SNX29: variants seen among roughly 807,000 people sequenced by gnomAD.
SNX29 encodes the protein sorting nexin-29.
A neutral mutation model predicts 102.1 loss-of-function variants in SNX29; 78 were observed. The ratio of observed to expected loss-of-function variants is 0.76; its 90% CI spans 0.64 to 0.92. The LOEUF (loss-of-function observed/expected upper bound fraction) is 0.92, where lower values mean the gene tolerates loss of function less well. Ranked by LOEUF, SNX29 falls within the 40% of genes least tolerant of loss-of-function variation. The probability of loss-of-function intolerance (pLI) is 0.00; values close to 1 mark genes in which losing one functional copy is unlikely to be tolerated. For missense variants in SNX29, 1,280 were observed against 1,061.7 expected (o/e 1.21, Z -2.86); for synonymous variants, 580 against 414.5 (o/e 1.40, Z -4.85).
intron 14 of SNX29, among the ~76,000 whole-genome samples, chr16:12,223,544 G>A (rs1454830359): frequency 6.6e-6 from 1 of 152,122 alleles, no homozygotes; most frequent in Non-Finnish European, 1.5e-5. Context: ...TGCGCCTGTA[G>A]TCCCAGCTAC....
At chr16:12,014,768 C>T (rs1191693858) in intron 3 of SNX29, among the ~76,000 whole-genome samples, 1 of 149,530 alleles carries the variant, frequency 6.7e-6, no homozygotes, top group Admixed American at 6.7e-5. Flanking sequence ...AAAAGAAAAT[C>T]ATCAGAAATT....
chr16:12,126,497 T>G, intron 11 of SNX29, 136 bp from the exon 12 acceptor site: 2 of 843,422 alleles, frequency 2.4e-6, no homozygotes, highest in Non-Finnish European at 3.8e-6. Context: ...TAGACTGTTA[T>G]AGGAGTTATT....
At chr16:12,209,542 C>G (rs537985961) in intron 14 of SNX29, among the ~76,000 whole-genome samples, 1 of 152,142 alleles carries the variant, frequency 6.6e-6, no homozygotes, top group Admixed American at 6.5e-5. Context: ...CTCTCCAGCT[C>G]GAGACCCCTC....
chr16:12,565,030 G>A (rs1403176238), intron 20 of SNX29, among the ~76,000 whole-genome samples: 1 of 152,102 alleles, frequency 6.6e-6, no homozygotes, highest in Non-Finnish European at 1.5e-5. Flanking sequence ...GTCCTGGGAT[G>A]AGCCTGGCAC....
chr16:12,533,197 C>A (rs1299406745), intron 20 of SNX29, among the ~76,000 whole-genome samples: 1 of 152,252 alleles, frequency 6.6e-6, no homozygotes, highest in South Asian at 2.1e-4. Flanking sequence ...CAGCAGCCAT[C>A]TGAGGCCACA....
At chr16:12,313,434 G>A (rs948832015) in intron 15 of SNX29, among the ~76,000 whole-genome samples, 1 of 152,166 alleles carries the variant, frequency 6.6e-6, no homozygotes, top group Non-Finnish European at 1.5e-5. Context: ...GATCACCCCA[G>A]GGCCTTTATA....
chr16:12,286,468 C>G (rs911851085), intron 15 of SNX29, among the ~76,000 whole-genome samples: 3 of 151,450 alleles, frequency 2.0e-5, no homozygotes, highest in African/African-American at 7.3e-5. Context: ...GCCTCAGCCT[C>G]CCAAGTAGCT....
At position 12,553,259 on chromosome 16, in the gene SNX29, C is replaced by A. The variant is rs920130704; in HGVS notation, c.2319-15247C>A. ...AATACAGAGAGAGATTGTACAAGAC[C>A]ACTGCCGCCTAGGGGCACAGAGTAA... On this transcript the variant is annotated intron_variant, in intron 20 of 20. Coordinates refer to ENST00000566228, the MANE Select transcript of SNX29 (RefSeq NM_032167.5). Among the ~76,000 whole-genome samples the A allele has an allele frequency of 2.0e-5, 3 of 152,344 alleles. No individual in the cohort carries two copies. In the East Asian group the frequency reaches 5.8e-4, roughly 29 times the overall value.
chr16:12,529,464 G>C lies in SNX29; in HGVS notation c.2318+4623G>C, dbSNP rs1002453008. Among the ~76,000 whole-genome samples the C allele has an allele frequency of 2.6e-5, 4 of 152,208 alleles. No individual in the cohort carries two copies. In the East Asian group the frequency reaches 7.7e-4, roughly 29 times the overall value. On this transcript the variant is annotated intron_variant, in intron 20 of 20. Transcript: ENST00000566228. ...CTCAGTGAGACTGGACCGCAAATCG[G>C]TGACAGCTTCAGTGATTTGCCGTGC...
chr16:11,986,991 T>C (rs1253108600), intron 1 of SNX29, among the ~76,000 whole-genome samples: 1 of 152,240 alleles, frequency 6.6e-6, no homozygotes, highest in African/African-American at 2.4e-5. Context: ...GTCATTGTGT[T>C]ATTACGGAAA....
At chr16:12,473,642 T>C (rs1040774916) in intron 18 of SNX29, among the ~76,000 whole-genome samples, 16 of 152,152 alleles carry the variant, frequency 1.1e-4, no homozygotes, top group African/African-American at 4.8e-5. Context: ...TTCTAAGTCA[T>C]AGGATGAGAT....
intron 14 of SNX29, among the ~76,000 whole-genome samples, chr16:12,248,751 T>C (rs1238991730): frequency 6.6e-6 from 1 of 151,824 alleles, no homozygotes; most frequent in African/African-American, 2.4e-5. Flanking sequence ...CAGGAGGTCA[T>C]TTTATCTAGA....
chr16:12,311,598 C>T (rs941240233), intron 15 of SNX29, among the ~76,000 whole-genome samples: 2 of 152,252 alleles, frequency 1.3e-5, no homozygotes, highest in Admixed American at 1.3e-4. Context: ...GGTCTGAGCC[C>T]TCCCTTCCTT....
intron 20 of SNX29, among the ~76,000 whole-genome samples, chr16:12,552,094 C>T (rs527812209): frequency 1.5e-4 from 23 of 152,310 alleles, no homozygotes; most frequent in Middle Eastern, 3.4e-3. Flanking sequence ...ACTGTGCTAT[C>T]CTCAGTGAGT....
At chr16:11,989,236 G>T (rs1164150973) in intron 1 of SNX29, among the ~76,000 whole-genome samples, 1 of 152,148 alleles carries the variant, frequency 6.6e-6, no homozygotes, top group African/African-American at 2.4e-5. Context: ...GCCTCCCAAA[G>T]TGCTGGGATT....
intron 20 of SNX29, among the ~76,000 whole-genome samples, chr16:12,563,316 G>C (rs1008298840): frequency 6.7e-6 from 1 of 148,984 alleles, no homozygotes; most frequent in Non-Finnish European, 1.5e-5. Flanking sequence ...TTTGTGACTG[G>C]AGAGAGTCAC....
intron 8 of SNX29, among the ~76,000 whole-genome samples, chr16:12,057,783 A>G (rs970360469): frequency 2.6e-5 from 4 of 151,050 alleles, no homozygotes; most frequent in Non-Finnish European, 5.9e-5. Flanking sequence ...TAATGAGTAC[A>G]TATATACATA....
At position 12,569,279 on chromosome 16, in the gene SNX29, T is replaced by TC. The variant is rs1247032555; in HGVS notation, c.*654dup. On this transcript the variant is annotated 3_prime_UTR_variant, in exon 21 of 21. Transcript: ENST00000566228. ...ATGTGCAACTTGAGTTCAGAGAACT[T>TC]CCCCTACCTCCCCCATGGCTGGCTT... The TC allele has an allele frequency of 8.8e-6, 2 of 228,512 alleles. No homozygotes were observed. The highest frequency in any genetic ancestry group is 1.7e-5 in the Non-Finnish European group (2 of 115,274). 14.2% of individuals were successfully genotyped at this position (228,512 alleles called of 1,614,324 possible).
At chr16:12,438,452 C>G (rs926753914) in intron 18 of SNX29, among the ~76,000 whole-genome samples, 1 of 152,316 alleles carries the variant, frequency 6.6e-6, no homozygotes, top group Admixed American at 6.5e-5. Flanking sequence ...GCCCAGGACC[C>G]CTTTACTCTG....
Sources: gnomAD v4.1 joint callset for allele counts (sites outside exome capture counted in the v4.1 genomes callset) on GRCh38, gnomAD v4.1.1 for gene constraint, MANE v1.5 for transcripts, NCBI Gene and HGNC (gene_info 2026-07-23, HGNC 2026-07-21) for gene names.